Variants in POLQ observed in about 807,000 individuals in gnomAD.
POLQ encodes the protein DNA polymerase theta, also known as epididymis secretory sperm binding protein.
A neutral mutation model predicts 259.2 loss-of-function variants in POLQ; 233 were observed. The ratio of observed to expected loss-of-function variants is 0.90; its 90% CI spans 0.81 to 1.00. POLQ has a LOEUF of 1.00. Among genes scored for constraint, POLQ ranks in the 50% least tolerant of loss-of-function variants. The pLI is 0.00. For synonymous variants in POLQ, 1,025 were observed against 1,048.8 expected (o/e 0.98, Z 0.44); for missense variants, 2,871 against 3,051.6 (o/e 0.94, Z 1.39).
chr3:121,485,256 T>C (rs747430544), intron 16 of POLQ, 72 bp from the exon 17 acceptor site: 4 of 1,079,020 alleles, frequency 3.7e-6, no homozygotes, highest in South Asian at 1.8e-5. Flanking sequence ...TTAAAACAAT[T>C]ATAATAAAAA....
chr3:121,511,769 C>A, intron 10 of POLQ, 118 bp downstream of exon 10: 1 of 813,148 alleles, frequency 1.2e-6, no homozygotes, highest in Non-Finnish European at 1.8e-6. Flanking sequence ...CAGAGTGAGA[C>A]TCTGTCTCAA....
rs545083905 is a variant in POLQ at position 121,540,329 on chromosome 3, C to A, written c.475-740G>T. 1.3e-3 allele frequency among the ~76,000 whole-genome samples: 202 copies of A among 152,266 alleles called. 1 individual carries two copies. The highest frequency in any genetic ancestry group is 4.5e-3 in the African/African-American group (188 of 41,554). On this transcript the variant is annotated intron_variant, in intron 3 of 29. Transcript: ENST00000264233. ...AATTTTACAAATAAAAAAACTGAGGCCCAGCCAGTTATATGCCCGGCCTAA... is the reference window on the plus strand; with the variant it reads ...AATTTTACAAATAAAAAAACTGAGGACCAGCCAGTTATATGCCCGGCCTAA...
At chr3:121,536,860 G>C (rs981185482) in intron 5 of POLQ, among the ~76,000 whole-genome samples, 3 of 151,972 alleles carry the variant, frequency 2.0e-5, no homozygotes, top group African/African-American at 7.3e-5. Flanking sequence ...TGCCCAGGCT[G>C]GTCTGGAACT....
Position 121,483,602 on chromosome 3 carries a change from A to C in POLQ, c.5774-20T>G. On this transcript the variant is annotated intron_variant, in intron 17 of 29. Transcript: ENST00000264233. The stretch of plus-strand genomic sequence containing the variant: ...TAATTTCTTTAAAAAAAAAAAAAAA[A>C]AGGAAAAAACATTTTTAAGGCAAAA... 1 of 1,498,024 alleles carries C rather than the reference A, an allele frequency of 6.7e-7. No individual in the cohort carries two copies. The allele number at this position is 1,498,024 out of a possible 1,614,324, so 92.8% of individuals were successfully genotyped here.
At chr3:121,502,669 A>G (rs1238117888) in intron 12 of POLQ, among the ~76,000 whole-genome samples, 1 of 152,190 alleles carries the variant, frequency 6.6e-6, no homozygotes, top group Admixed American at 6.5e-5. Context: ...AAAAAACACA[A>G]TCATAAATAA....
At chr3:121,508,360 C>T (rs1177694139) in intron 12 of POLQ, among the ~76,000 whole-genome samples, 1 of 152,136 alleles carries the variant, frequency 6.6e-6, no homozygotes, top group Non-Finnish European at 1.5e-5. Flanking sequence ...TGTTATTAAA[C>T]ATTTATTCAG....
intron 28 of POLQ, 96 bp downstream of exon 28, chr3:121,436,026 A>G: frequency 9.9e-7 from 1 of 1,014,940 alleles, no homozygotes; most frequent in South Asian, 1.7e-5. Context: ...AACATTTGAG[A>G]ACTGTTGAGA....
intron 12 of POLQ, among the ~76,000 whole-genome samples, chr3:121,505,744 C>T (rs1006163505): frequency 1.3e-5 from 2 of 151,648 alleles, no homozygotes; most frequent in African/African-American, 4.8e-5. Flanking sequence ...CACAGTGGCT[C>T]ATGCCTGTAA....
At chr3:121,533,739 C>T (rs2048428752) in intron 5 of POLQ, among the ~76,000 whole-genome samples, 1 of 152,088 alleles carries the variant, frequency 6.6e-6, no homozygotes, top group Non-Finnish European at 1.5e-5. Flanking sequence ...TGGTCTCGAA[C>T]TCCCGACCTT....
intron 25 of POLQ, among the ~76,000 whole-genome samples, chr3:121,455,498 A>C (rs1386249881): frequency 2.8e-5 from 4 of 144,872 alleles, no homozygotes; most frequent in African/African-American, 1.0e-4. Context: ...AGACTAATAA[A>C]GAAGAAAAGA....
At chr3:121,544,221 C>A (rs950357160) in intron 2 of POLQ, among the ~76,000 whole-genome samples, 1 of 151,996 alleles carries the variant, frequency 6.6e-6, no homozygotes, top group East Asian at 1.9e-4. Context: ...GGCCTGGTGG[C>A]GCACACCTGT....
intron 19 of POLQ, among the ~76,000 whole-genome samples, chr3:121,479,420 T>G (rs2047953804): frequency 6.6e-6 from 1 of 150,536 alleles, no homozygotes; most frequent in Admixed American, 6.7e-5. Flanking sequence ...ACAATAAAAG[T>G]AGTGCTTTGA....
At chr3:121,494,614 C>T in intron 14 of POLQ, 1 of 1,515,298 alleles carries the variant, frequency 6.6e-7, no homozygotes, top group South Asian at 1.2e-5. Context: ...TGGCTGTCTT[C>T]TTGCCTGCCC....
chr3:121,445,767 A>T (rs891146343), intron 26 of POLQ, among the ~76,000 whole-genome samples: 2 of 151,882 alleles, frequency 1.3e-5, no homozygotes, highest in Non-Finnish European at 2.9e-5. Flanking sequence ...GGAGGCTGAG[A>T]CAGGAAAATT....
At chr3:121,474,573 A>G (rs1297944630) in intron 20 of POLQ, among the ~76,000 whole-genome samples, 1 of 152,206 alleles carries the variant, frequency 6.6e-6, no homozygotes, top group Non-Finnish European at 1.5e-5. Context: ...TAAGTACAAG[A>G]ATTTTTCCCA....
At chr3:121,435,027 G>A (rs1200223754) in intron 28 of POLQ, among the ~76,000 whole-genome samples, 1 of 152,094 alleles carries the variant, frequency 6.6e-6, no homozygotes, top group Non-Finnish European at 1.5e-5. Context: ...AGCCAGGCAT[G>A]GTGGCACACT....
intron 26 of POLQ, among the ~76,000 whole-genome samples, chr3:121,442,256 TGG>T (rs934596483): frequency 6.6e-6 from 1 of 152,112 alleles, no homozygotes; most frequent in African/African-American, 2.4e-5. Context: ...TGAGGGAAAA[TGG>T]GGTACCCATC....
At chr3:121,513,179 CA>C (rs1018405706) in intron 9 of POLQ, among the ~76,000 whole-genome samples, 1 of 151,648 alleles carries the variant, frequency 6.6e-6, no homozygotes, top group Non-Finnish European at 1.5e-5. Flanking sequence ...CCACCCGAGG[CA>C]AAGAGAAGGT....
chr3:121,507,907 A>G (rs1411601610), intron 12 of POLQ, among the ~76,000 whole-genome samples: 3 of 151,854 alleles, frequency 2.0e-5, no homozygotes, highest in Admixed American at 6.6e-5. Context: ...AGGCTGGAGC[A>G]TGGTGGCACG....
Sources: allele counts gnomAD v4.1 joint callset (sites outside exome capture counted in the v4.1 genomes callset), GRCh38; gene constraint gnomAD v4.1.1; transcripts MANE v1.5; gene names NCBI Gene and HGNC (gene_info 2026-07-23, HGNC 2026-07-21).